ABTB2: variants seen among roughly 807,000 people sequenced by gnomAD.
ABTB2 encodes the protein ankyrin repeat and BTB domain containing 2, also known as ankyrin repeat and BTB/POZ domain-containing protein 2.
In ABTB2, 56 loss-of-function variants were observed where a neutral mutation model predicts 104.1. The observed-to-expected ratio is 0.54, with a 90% CI of 0.43 to 0.67. The LOEUF (loss-of-function observed/expected upper bound fraction) is 0.67, where lower values mean the gene tolerates loss of function less well. ABTB2 is among the 30% of genes least tolerant of loss of function. ABTB2 has a pLI of 0.00. For missense variants in ABTB2, 1,279 were observed against 1,407.7 expected (o/e 0.91, Z 1.46); for synonymous variants, 606 against 608.2 (o/e 1.00, Z 0.05).
intron 1 of ABTB2, among the ~76,000 whole-genome samples, chr11:34,342,491 T>C (rs1384574853): frequency 1.3e-5 from 2 of 152,222 alleles, no homozygotes; most frequent in Non-Finnish European, 2.9e-5. Flanking sequence ...AAATGAGGAC[T>C]TCAGAGCTCA....
intron 3 of ABTB2, among the ~76,000 whole-genome samples, chr11:34,174,340 A>AG (rs1253347765): frequency 6.6e-6 from 1 of 150,410 alleles, no homozygotes; most frequent in African/African-American, 2.4e-5. Flanking sequence ...AAAAAAAAAA[A>AG]AAAAAAAAAA....
intron 1 of ABTB2, among the ~76,000 whole-genome samples, chr11:34,345,021 G>A (rs765914064): frequency 1.2e-4 from 18 of 152,136 alleles, no homozygotes; most frequent in Non-Finnish European, 1.9e-4. Flanking sequence ...GTCCCGCTGC[G>A]TCCACACTTG....
intron 4 of ABTB2, among the ~76,000 whole-genome samples, chr11:34,171,751 C>CTGCA (rs915308305): frequency 4.6e-5 from 7 of 152,068 alleles, no homozygotes; most frequent in Admixed American, 4.6e-4. Flanking sequence ...GTTGAGCAGG[C>CTGCA]TGCACTCAGC....
chr11:34,338,542 C>CAA (rs35340521), intron 1 of ABTB2, among the ~76,000 whole-genome samples: 11,847 of 135,706 alleles, frequency 0.087, 753 homozygotes, highest in East Asian at 0.36. Context: ...ACTAAAAGTA[C>CAA]AAAAAAAAAA....
At chr11:34,233,373 C>T (rs1157902259) in intron 1 of ABTB2, among the ~76,000 whole-genome samples, 1 of 149,624 alleles carries the variant, frequency 6.7e-6, no homozygotes, top group East Asian at 2.0e-4. Flanking sequence ...GTTGCCCAGG[C>T]TGAAGTGCAG....
At chr11:34,235,921 A>C (rs1033791080) in intron 1 of ABTB2, among the ~76,000 whole-genome samples, 27 of 152,208 alleles carry the variant, frequency 1.8e-4, no homozygotes, top group African/African-American at 6.5e-4. Context: ...GCAAAGCCCT[A>C]AACAGAGACA....
intron 1 of ABTB2, among the ~76,000 whole-genome samples, chr11:34,333,908 G>A (rs1166895270): frequency 6.6e-6 from 1 of 151,714 alleles, no homozygotes; most frequent in Non-Finnish European, 1.5e-5. Flanking sequence ...TCAGAGGCAG[G>A]ACATGAGGAT....
rs151069732 is a variant in ABTB2 at position 34,329,335 on chromosome 11, C to T, written c.883+27366G>A. Among the ~76,000 whole-genome samples, 28 of 152,284 alleles carry T rather than the reference C, an allele frequency of 1.8e-4. No individual in the cohort carries two copies. The East Asian group carries it at 5.4e-3, about 29-fold the overall frequency. On this transcript the variant is annotated intron_variant, in intron 1 of 16. Coordinates refer to ENST00000435224, the MANE Select transcript of ABTB2 (RefSeq NM_145804.3). ...TCTCTAGAAGACTGGTTTTTCCACT[C>T]CACTTCCTTCCAGATCCATCTTCCA...
chr11:34,297,367 C>T lies in ABTB2; in HGVS notation c.883+59334G>A, dbSNP rs117385634. Among the ~76,000 whole-genome samples the T allele has an allele frequency of 6.4e-3, 976 of 152,278 alleles. 6 individuals are homozygous for T. The highest frequency in any genetic ancestry group is 9.6e-3 in the Non-Finnish European group (652 of 68,024). ...TGGTGAACTGTTTCTAAGGTGCTTTCGCATAGAATATCCGGAAACAAAAAC... is the reference window on the plus strand; with the variant it reads ...TGGTGAACTGTTTCTAAGGTGCTTTTGCATAGAATATCCGGAAACAAAAAC... On this transcript the variant is annotated intron_variant, in intron 1 of 16. Coordinates refer to ENST00000435224, the MANE Select transcript of ABTB2 (RefSeq NM_145804.3).
intron 1 of ABTB2, among the ~76,000 whole-genome samples, chr11:34,300,369 A>T (rs1415506281): frequency 6.6e-6 from 1 of 152,202 alleles, no homozygotes. Context: ...CCTACCATTT[A>T]GCTTGTTAGG....
intron 1 of ABTB2, among the ~76,000 whole-genome samples, chr11:34,314,724 C>T (rs1854903729): frequency 6.6e-6 from 1 of 152,144 alleles, no homozygotes; most frequent in Admixed American, 6.5e-5. Flanking sequence ...GAAGGACTGG[C>T]TAGATAATTT....
chr11:34,260,020 G>T (rs1397124833), intron 1 of ABTB2, among the ~76,000 whole-genome samples: 1 of 152,026 alleles, frequency 6.6e-6, no homozygotes, highest in Non-Finnish European at 1.5e-5. Context: ...TGTTGCTCAG[G>T]CTGGTCTCAA....
In ABTB2 at chr11:34,163,175, TGGGGC is replaced by T. The variant is rs1351296208; in HGVS notation, c.1989-375_1989-371del. ...AGGGTGTCACTATATCACACTTTCC[TGGGGC>T]TTATGTGAGGCTGATGTAAAGGGTT... On this transcript the variant is annotated intron_variant, in intron 9 of 16. Coordinates refer to ENST00000435224, the MANE Select transcript of ABTB2 (RefSeq NM_145804.3). Among the ~76,000 whole-genome samples the T allele has an allele frequency of 3.7e-4, 56 of 152,274 alleles. No homozygotes were observed. In the East Asian group the frequency reaches 9.1e-3, roughly 25 times the overall value.
intron 1 of ABTB2, among the ~76,000 whole-genome samples, chr11:34,228,494 C>CCTGCCTCAGCCTCAGCCT (rs1853716280): frequency 6.6e-6 from 1 of 152,152 alleles, no homozygotes; most frequent in Non-Finnish European, 1.5e-5. Context: ...AAGTAATTCT[C>CCTGCCTCAGCCTCAGCCT]CTGCCTCAGC....
At chr11:34,269,018 C>T (rs982712150) in intron 1 of ABTB2, among the ~76,000 whole-genome samples, 3 of 152,204 alleles carry the variant, frequency 2.0e-5, no homozygotes, top group Admixed American at 1.3e-4. Flanking sequence ...CATGATTCAG[C>T]GCTGATGCCC....
At chr11:34,158,403 T>C (rs1852659238) in intron 14 of ABTB2, among the ~76,000 whole-genome samples, 1 of 151,830 alleles carries the variant, frequency 6.6e-6, no homozygotes, top group Non-Finnish European at 1.5e-5. Flanking sequence ...ACAGTGAGAC[T>C]CCGTGTCAAA....
intron 1 of ABTB2, among the ~76,000 whole-genome samples, chr11:34,349,636 C>G (rs1590266739): frequency 2.6e-5 from 4 of 152,212 alleles, no homozygotes; most frequent in African/African-American, 9.7e-5. Flanking sequence ...ATTCTCACAA[C>G]CATCCTATGA....
At chr11:34,349,799 C>T (rs941194673) in intron 1 of ABTB2, among the ~76,000 whole-genome samples, 1 of 152,192 alleles carries the variant, frequency 6.6e-6, no homozygotes, top group East Asian at 1.9e-4. Context: ...CCAAGACAAC[C>T]TCATGACAAA....
intron 4 of ABTB2, among the ~76,000 whole-genome samples, chr11:34,171,589 A>C (rs939121792): frequency 3.3e-5 from 5 of 152,032 alleles, no homozygotes; most frequent in African/African-American, 1.2e-4. Flanking sequence ...ATCAATCAAT[A>C]AGTAAGTAAG....
Sources: allele counts gnomAD v4.1 joint callset (sites outside exome capture counted in the v4.1 genomes callset), GRCh38; gene constraint gnomAD v4.1.1; transcripts MANE v1.5; gene names NCBI Gene and HGNC (gene_info 2026-07-23, HGNC 2026-07-21).